CDK8: variants seen among roughly 807,000 people sequenced by gnomAD.
CDK8 encodes cyclin dependent kinase 8, also known as cyclin-dependent kinase 8.
CDK8 carries 29 observed loss-of-function variants against 71.5 expected under a neutral mutation model. That is an observed-to-expected ratio of 0.41 (90% CI 0.30 to 0.55). The LOEUF (loss-of-function observed/expected upper bound fraction) is 0.55, where lower values mean the gene tolerates loss of function less well. Ranked by LOEUF, CDK8 falls within the 20% of genes least tolerant of loss-of-function variation. The pLI is 0.37. For missense variants in CDK8, 288 were observed against 572.6 expected, an observed-to-expected ratio of 0.50 and a Z score of 5.07; for synonymous variants, 161 against 192.1, an observed-to-expected ratio of 0.84 and a Z score of 1.34.
At chr13:26,274,723 G>A (rs1041886772) in intron 1 of CDK8, among the ~76,000 whole-genome samples, 1 of 152,020 alleles carries the variant, frequency 6.6e-6, no homozygotes, top group Non-Finnish European at 1.5e-5. Context: ...GAGCCACCGC[G>A]TCTGGCCTAC....
At chr13:26,386,444 T>G (rs1049629240) in intron 6 of CDK8, among the ~76,000 whole-genome samples, 2 of 152,200 alleles carry the variant, frequency 1.3e-5, no homozygotes, top group Non-Finnish European at 2.9e-5. Flanking sequence ...AGGATGGTAT[T>G]AAACCCACTT....
At chr13:26,332,679 CT>C (rs1452472222) in intron 1 of CDK8, among the ~76,000 whole-genome samples, 1 of 152,070 alleles carries the variant, frequency 6.6e-6, no homozygotes, top group Non-Finnish European at 1.5e-5. Context: ...AGATTTTCAG[CT>C]TTTCCTCATT....
intron 1 of CDK8, among the ~76,000 whole-genome samples, chr13:26,263,419 C>G (rs1871869639): frequency 6.6e-6 from 1 of 152,044 alleles, no homozygotes. Flanking sequence ...CAGGCGTGAG[C>G]CACCGCGCCC....
At position 26,273,596 on chromosome 13, in the gene CDK8, T is replaced by A. The variant is rs116471058; in HGVS notation, c.128+18827T>A. Reference sequence around the variant, plus strand: ...TATACTTGGAACACAGTTTAACTTTTTCTGTGCAGTTCAGACTAACTATTG... The same window carrying A: ...TATACTTGGAACACAGTTTAACTTTATCTGTGCAGTTCAGACTAACTATTG... On this transcript the variant is annotated intron_variant, in intron 1 of 12. Transcript: ENST00000381527. 1.3e-3 allele frequency among the ~76,000 whole-genome samples: 202 copies of A among 152,064 alleles called. 2 individuals carry two copies. Among genetic ancestry groups the A allele is most frequent in the African/African-American group, 4.7e-3 (196 of 41,544 alleles).
chr13:26,398,489 A>G (rs1264041543), intron 9 of CDK8, among the ~76,000 whole-genome samples: 2 of 152,126 alleles, frequency 1.3e-5, no homozygotes, highest in African/African-American at 4.8e-5. Context: ...ACCCATCTTA[A>G]TTGGAGGTAA....
intron 4 of CDK8, among the ~76,000 whole-genome samples, chr13:26,362,855 T>A (rs759814328): frequency 8.5e-5 from 13 of 152,176 alleles, no homozygotes; most frequent in Non-Finnish European, 1.3e-4. Context: ...ATCCAAAATT[T>A]CATTTTAATA....
intron 4 of CDK8, among the ~76,000 whole-genome samples, chr13:26,368,028 A>G (rs1874473148): frequency 6.6e-6 from 1 of 152,242 alleles, no homozygotes; most frequent in African/African-American, 2.4e-5. Flanking sequence ...AGGAGATTTC[A>G]GAATTTTCTG....
chr13:26,272,498 G>T (rs1398978119), intron 1 of CDK8, among the ~76,000 whole-genome samples: 2 of 152,198 alleles, frequency 1.3e-5, no homozygotes, highest in East Asian at 3.9e-4. Context: ...CCTTGATGTG[G>T]AATACCTCCT....
intron 4 of CDK8, among the ~76,000 whole-genome samples, chr13:26,363,037 T>C (rs1393743086): frequency 6.6e-6 from 1 of 150,934 alleles, no homozygotes; most frequent in Non-Finnish European, 1.5e-5. Context: ...CAAGATTGTA[T>C]AGAAATTTGG....
rs548732110 is a variant in CDK8 at position 26,357,973 on chromosome 13, T to C, written c.456+4093T>C. On this transcript the variant is annotated intron_variant, in intron 4 of 12. Coordinates refer to ENST00000381527, the MANE Select transcript of CDK8 (RefSeq NM_001260.3). ...TCAGAATAATGTTTGACCAAACATC[T>C]GGGCACTATGGTCCAGCCAAATTTA... Among the ~76,000 whole-genome samples, 32 of 152,302 alleles carry C rather than the reference T, an allele frequency of 2.1e-4. No individual in the cohort carries two copies. The South Asian group carries it at 6.4e-3, about 31-fold the overall frequency.
intron 12 of CDK8, among the ~76,000 whole-genome samples, chr13:26,403,396 C>A (rs1171824875): frequency 6.6e-6 from 1 of 151,814 alleles, no homozygotes; most frequent in Non-Finnish European, 1.5e-5. Context: ...GCCTATAATC[C>A]TAGCAATGAT....
intron 1 of CDK8, among the ~76,000 whole-genome samples, chr13:26,313,867 G>A (rs1593257138): frequency 6.6e-6 from 1 of 152,174 alleles, no homozygotes; most frequent in East Asian, 1.9e-4. Context: ...GGAGAACAGG[G>A]ATTTGATAGA....
At chr13:26,310,849 C>T (rs1429126609) in intron 1 of CDK8, among the ~76,000 whole-genome samples, 1 of 152,112 alleles carries the variant, frequency 6.6e-6, no homozygotes, top group African/African-American at 2.4e-5. Flanking sequence ...CTCAAAGTTA[C>T]TTTGTTCAAA....
rs376557904 is a variant in CDK8 at position 26,277,008 on chromosome 13, A to G, written c.128+22239A>G. Among the ~76,000 whole-genome samples the G allele has an allele frequency of 5.9e-5, 9 of 152,332 alleles. No homozygotes were observed. In the South Asian group the frequency reaches 1.9e-3, roughly 32 times the overall value. On this transcript the variant is annotated intron_variant, in intron 1 of 12. Coordinates refer to ENST00000381527, the MANE Select transcript of CDK8 (RefSeq NM_001260.3). ...AGTTTTACTTGCAGAACTGTTCACA[A>G]CTGCCAGTGGTAAACAAAAGAATAA...
At chr13:26,383,787 ACT>A (rs1565994486) in intron 5 of CDK8, among the ~76,000 whole-genome samples, 1 of 152,202 alleles carries the variant, frequency 6.6e-6, no homozygotes, top group South Asian at 2.1e-4. Context: ...CTCTTAAAAT[ACT>A]CTGTTTTTGA....
chr13:26,270,016 T>A (rs1313979471), intron 1 of CDK8, among the ~76,000 whole-genome samples: 2 of 152,170 alleles, frequency 1.3e-5, no homozygotes, highest in Non-Finnish European at 2.9e-5. Context: ...AAAAGTTATA[T>A]ACATTTGTGG....
intron 1 of CDK8, among the ~76,000 whole-genome samples, chr13:26,273,219 G>A (rs1225777651): frequency 6.6e-6 from 1 of 152,112 alleles, no homozygotes; most frequent in African/African-American, 2.4e-5. Flanking sequence ...CATAAATATA[G>A]GATATTTTTC....
At chr13:26,387,692 C>T (rs536366219) in intron 6 of CDK8, among the ~76,000 whole-genome samples, 1 of 152,308 alleles carries the variant, frequency 6.6e-6, no homozygotes, top group East Asian at 1.9e-4. Flanking sequence ...TCAACAACAG[C>T]ACTGTGTCCT....
At chr13:26,383,022 A>G in intron 5 of CDK8, 151 bp downstream of exon 5, 1 of 482,810 alleles carries the variant, frequency 2.1e-6, no homozygotes, top group Non-Finnish European at 3.7e-6. Flanking sequence ...TAAAAGTGAA[A>G]AATGTTTCAC....
Sources: gnomAD v4.1 joint callset for allele counts (sites outside exome capture counted in the v4.1 genomes callset) on GRCh38, gnomAD v4.1.1 for gene constraint, MANE v1.5 for transcripts, NCBI Gene and HGNC (gene_info 2026-07-23, HGNC 2026-07-21) for gene names.